The following SLC6A20 variants were observed in gnomAD, a reference collection of about 807,000 sequenced individuals.
The protein encoded by SLC6A20 is sodium- and chloride-dependent transporter XTRP3.
In SLC6A20, 73 loss-of-function variants were observed where a neutral mutation model predicts 64.3. The observed-to-expected ratio is 1.14, with a 90% CI of 0.94 to 1.38. The LOEUF (loss-of-function observed/expected upper bound fraction) is 1.38, where lower values mean the gene tolerates loss of function less well. Ranked by LOEUF, SLC6A20 falls within the 40% of genes most tolerant of loss-of-function variation. SLC6A20 has a pLI of 0.00. For missense variants in SLC6A20, 725 were observed against 772.8 expected (o/e 0.94, Z 0.73); for synonymous variants, 347 against 329.6 (o/e 1.05, Z -0.57).
intron 9 of SLC6A20, among the ~76,000 whole-genome samples, chr3:45,760,608 G>A (rs1212440182): frequency 6.6e-6 from 1 of 152,178 alleles, no homozygotes; most frequent in Admixed American, 6.5e-5. Flanking sequence ...AGTCCCAAAG[G>A]CGTTGCCCAC....
At chr3:45,777,889 T>C (rs566573515) in intron 3 of SLC6A20, among the ~76,000 whole-genome samples, 11 of 152,296 alleles carry the variant, frequency 7.2e-5, no homozygotes, top group Admixed American at 3.9e-4. Context: ...ATGCCCAGGC[T>C]GCACCCCCAG....
intron 1 of SLC6A20, among the ~76,000 whole-genome samples, chr3:45,794,109 A>G (rs1173444749): frequency 1.3e-5 from 2 of 152,256 alleles, no homozygotes; most frequent in African/African-American, 2.4e-5. Flanking sequence ...GGAGAGTCAG[A>G]GAGCACAACG....
chr3:45,785,126 A>T (rs931436775), intron 1 of SLC6A20, among the ~76,000 whole-genome samples: 4 of 152,198 alleles, frequency 2.6e-5, no homozygotes, highest in Admixed American at 6.5e-5. Context: ...TTTATATGAC[A>T]TTCTGGAAAA....
intron 9 of SLC6A20, among the ~76,000 whole-genome samples, chr3:45,761,493 C>A (rs1486195863): frequency 2.6e-5 from 4 of 152,158 alleles, no homozygotes; most frequent in African/African-American, 9.7e-5. Flanking sequence ...GTTCCTCTCT[C>A]CCAACCTTCT....
intron 4 of SLC6A20, among the ~76,000 whole-genome samples, chr3:45,774,921 T>C (rs1345008834): frequency 6.6e-6 from 1 of 152,204 alleles, no homozygotes; most frequent in Non-Finnish European, 1.5e-5. Context: ...TCATGAAATC[T>C]ACCATGAAAG....
At position 45,770,431 on chromosome 3, in the gene SLC6A20, C is replaced by T. The variant is rs888232479; in HGVS notation, c.936-60G>A. 9 of 1,587,102 alleles carry T rather than the reference C, an allele frequency of 5.7e-6. No individual in the cohort carries two copies. In the South Asian group the frequency reaches 6.8e-5, roughly 12 times the overall value. On this transcript the variant is annotated intron_variant, in intron 6 of 10. Coordinates refer to ENST00000358525, the MANE Select transcript of SLC6A20 (RefSeq NM_020208.4). ...TCAGAAAGGCAGCTGTCACCAAAGC[C>T]TCCCGTCAGCCTCTTCTTTTCTGAT...
In SLC6A20 at chr3:45,787,554, T is replaced by C. The variant is rs531125713; in HGVS notation, c.122-5331A>G. On this transcript the variant is annotated intron_variant, in intron 1 of 10. Transcript: ENST00000358525. ...GCACTGGGCAGAGAGCCAGAGTCCA[T>C]TGAATATTTGTTGAATGCAGGAAAG... Among the ~76,000 whole-genome samples, 16 of 152,274 alleles carry C rather than the reference T, an allele frequency of 1.1e-4. No homozygotes were observed. In the South Asian group the frequency reaches 2.1e-3, roughly 20 times the overall value.
Position 45,757,104 on chromosome 3 carries a change from A to G in SLC6A20, c.*1874T>C, listed in dbSNP as rs553359592. On this transcript the variant is annotated 3_prime_UTR_variant, in exon 11 of 11. Coordinates refer to ENST00000358525, the MANE Select transcript of SLC6A20 (RefSeq NM_020208.4). Reference sequence around the variant, plus strand: ...ACATCTCAGTGTAGCAAGGAGTAACAGAGCAGTATTGCTGCCAGCATATCT... The same window carrying G: ...ACATCTCAGTGTAGCAAGGAGTAACGGAGCAGTATTGCTGCCAGCATATCT... 3.9e-5 allele frequency: 6 copies of G among 152,236 alleles called. No individual in the cohort carries two copies. Among genetic ancestry groups the G allele is most frequent in the Admixed American group, 2.6e-4 (4 of 15,298 alleles). 9.4% of individuals were successfully genotyped at this position (152,236 alleles called of 1,614,324 possible). A position where few individuals can be genotyped will look rare whatever the true frequency, so the allele number is the denominator to read the frequency against.
intron 1 of SLC6A20, among the ~76,000 whole-genome samples, chr3:45,783,499 C>A (rs1055956383): frequency 1.3e-5 from 2 of 152,242 alleles, no homozygotes; most frequent in African/African-American, 2.4e-5. Flanking sequence ...CCTTAAAGAG[C>A]TGCATGATGT....
At chr3:45,772,372 C>G in intron 5 of SLC6A20, 133 bp downstream of exon 5, 2 of 717,844 alleles carry the variant, frequency 2.8e-6, no homozygotes, top group East Asian at 3.0e-5. Context: ...TCCTGCCACA[C>G]CCTGGTGGGC....
intron 3 of SLC6A20, among the ~76,000 whole-genome samples, chr3:45,776,462 C>T (rs993845749): frequency 2.2e-4 from 34 of 152,240 alleles, no homozygotes; most frequent in African/African-American, 7.9e-4. Flanking sequence ...TGACAGAGAG[C>T]CCAGTTCAGA....
At chr3:45,779,529 A>G (rs971797403) in intron 3 of SLC6A20, among the ~76,000 whole-genome samples, 6 of 152,322 alleles carry the variant, frequency 3.9e-5, no homozygotes, top group African/African-American at 1.4e-4. Context: ...AGGGAAAAGA[A>G]GAGGCTCAGG....
intron 3 of SLC6A20, among the ~76,000 whole-genome samples, chr3:45,776,648 C>T (rs1249670322): frequency 6.6e-6 from 1 of 152,160 alleles, no homozygotes; most frequent in Non-Finnish European, 1.5e-5. Context: ...CTTCCAAACC[C>T]AATGTACATT....
intron 2 of SLC6A20, among the ~76,000 whole-genome samples, chr3:45,780,852 G>A (rs778216882): frequency 1.9e-4 from 29 of 152,104 alleles, no homozygotes; most frequent in Non-Finnish European, 2.8e-4. Context: ...ATAAACCAGG[G>A]CTTCCCCTCC....
At position 45,755,899 on chromosome 3, in the gene SLC6A20, AT is replaced by A. The variant is rs1699531907; in HGVS notation, c.*3078del. On this transcript the variant is annotated 3_prime_UTR_variant, in exon 11 of 11. Transcript: ENST00000358525. ...TCCGTAGAAGTAACTCTTCCATATA[AT>A]TGGAAATGCTCAAAAATGCCTTCAA... The A allele has an allele frequency of 6.6e-6, 1 of 152,436 alleles. No individual in the cohort carries two copies. The highest frequency in any genetic ancestry group is 1.5e-5 in the Non-Finnish European group (1 of 68,034). The allele number at this position is 152,436 out of a possible 1,614,324, so 9.4% of individuals were successfully genotyped here.
chr3:45,780,230 T>C, intron 2 of SLC6A20, 130 bp from the exon 3 acceptor site: 5 of 738,848 alleles, frequency 6.8e-6, no homozygotes, highest in South Asian at 1.7e-5. Flanking sequence ...TCCACCAGGT[T>C]TGTGTGGTGA....
chr3:45,755,901 T>G lies in SLC6A20; in HGVS notation c.*3077A>C, dbSNP rs1699531950. On this transcript the variant is annotated 3_prime_UTR_variant, in exon 11 of 11. Coordinates refer to ENST00000358525, the MANE Select transcript of SLC6A20 (RefSeq NM_020208.4). ...CGTAGAAGTAACTCTTCCATATAAT[T>G]GGAAATGCTCAAAAATGCCTTCAAA... 1 of 152,460 alleles carries G rather than the reference T, an allele frequency of 6.6e-6. No homozygotes were observed. Among genetic ancestry groups the G allele is most frequent in the Non-Finnish European group, 1.5e-5 (1 of 68,032 alleles). 9.4% of individuals were successfully genotyped at this position (152,460 alleles called of 1,614,324 possible). A position where few individuals can be genotyped will look rare whatever the true frequency, so the allele number is the denominator to read the frequency against.
chr3:45,764,708 C>CAAAAAA (rs71288017), intron 8 of SLC6A20, among the ~76,000 whole-genome samples: 1 of 107,272 alleles, frequency 9.3e-6, no homozygotes, highest in Non-Finnish European at 1.9e-5. Context: ...TCTTTAAAAA[C>CAAAAAA]AAAAAAAAAA....
intron 1 of SLC6A20, 148 bp downstream of exon 1, chr3:45,796,151 A>G: frequency 1.4e-6 from 2 of 1,438,698 alleles, no homozygotes; most frequent in Non-Finnish European, 1.8e-6. Flanking sequence ...TGTCCTGGGA[A>G]CACTCCCGGG....
Sources: gnomAD v4.1 joint callset for allele counts (sites outside exome capture counted in the v4.1 genomes callset) on GRCh38, gnomAD v4.1.1 for gene constraint, MANE v1.5 for transcripts, NCBI Gene and HGNC (gene_info 2026-07-23, HGNC 2026-07-21) for gene names.